Variants in SYNJ1 observed in about 807,000 individuals in gnomAD.
SYNJ1 encodes synaptojanin 1.
SYNJ1 carries 78 observed loss-of-function variants against 168.2 expected under a neutral mutation model. The ratio of observed to expected loss-of-function variants is 0.46; its 90% CI spans 0.39 to 0.56. SYNJ1 has a LOEUF of 0.56. Ranked by LOEUF, SYNJ1 falls within the 20% of genes least tolerant of loss-of-function variation. The pLI is 0.00. For missense variants in SYNJ1, 1,303 were observed against 1,597.6 expected (o/e 0.82, Z 3.14); for synonymous variants, 539 against 548.6 (o/e 0.98, Z 0.24).
chr21:32,706,034 C>A (rs55969012), intron 2 of SYNJ1, among the ~76,000 whole-genome samples: 2,360 of 152,156 alleles, frequency 0.016, 36 homozygotes, highest in Non-Finnish European at 0.02. Flanking sequence ...GAGGACAAGT[C>A]AAAACTGCGA....
chr21:32,630,941 C>G lies in SYNJ1; in HGVS notation c.*864G>C. On this transcript the variant is annotated 3_prime_UTR_variant, in exon 33 of 33. Coordinates refer to ENST00000674351, the MANE Select transcript of SYNJ1 (RefSeq NM_203446.3). Reference sequence around the variant, plus strand: ...CATAATGAAATACTAATGCCCAATTCTCTTAGCTCTATCCTGCCAAAAGCA... The same window carrying G: ...CATAATGAAATACTAATGCCCAATTGTCTTAGCTCTATCCTGCCAAAAGCA... The G allele has an allele frequency of 1.3e-6, 2 of 1,519,652 alleles. No individual in the cohort carries two copies. Among genetic ancestry groups the G allele is most frequent in the Non-Finnish European group, 1.8e-6 (2 of 1,126,768 alleles). The allele number at this position is 1,519,652 out of a possible 1,614,324, so 94.1% of individuals were successfully genotyped here.
In SYNJ1 at chr21:32,628,851, T is replaced by A. The variant is rs2039217341; in HGVS notation, c.*2954A>T. The stretch of plus-strand genomic sequence containing the variant: ...TGTACCACTGACTTTAATACTGTAC[T>A]TCTATAAAGTTTATAGTTATAAATA... On this transcript the variant is annotated 3_prime_UTR_variant, in exon 33 of 33. Coordinates refer to ENST00000674351, the MANE Select transcript of SYNJ1 (RefSeq NM_203446.3). 1 of 152,652 alleles carries A rather than the reference T, an allele frequency of 6.6e-6. No homozygotes were observed. Among genetic ancestry groups the A allele is most frequent in the Non-Finnish European group, 1.5e-5 (1 of 68,054 alleles). The allele number at this position is 152,652 out of a possible 1,614,324, so 9.5% of individuals were successfully genotyped here.
chr21:32,719,713 TAA>T (rs971478588), intron 2 of SYNJ1, among the ~76,000 whole-genome samples: 28 of 129,848 alleles, frequency 2.2e-4, no homozygotes, highest in Non-Finnish European at 1.8e-4. Context: ...AACTCCATCT[TAA>T]AAAAAAAAAA....
intron 2 of SYNJ1, among the ~76,000 whole-genome samples, chr21:32,722,883 A>G (rs2043299751): frequency 6.6e-6 from 1 of 152,220 alleles, no homozygotes; most frequent in Non-Finnish European, 1.5e-5. Context: ...GTAGCCCCAT[A>G]AAAGACAACA....
In SYNJ1 at chr21:32,693,060, T is replaced by A. The variant is rs1601442151; in HGVS notation, c.789+1168A>T. On this transcript the variant is annotated intron_variant, in intron 6 of 32. Coordinates refer to ENST00000674351, the MANE Select transcript of SYNJ1 (RefSeq NM_203446.3). Reference sequence around the variant, plus strand: ...AAATAAATATATAAATAAATAAATATAAATAAATTAAACAAAGAAATAAAA... The same window carrying A: ...AAATAAATATATAAATAAATAAATAAAAATAAATTAAACAAAGAAATAAAA... 2.0e-5 allele frequency among the ~76,000 whole-genome samples: 3 copies of A among 151,584 alleles called. No homozygotes were observed. The South Asian group carries it at 6.2e-4, about 32-fold the overall frequency.
chr21:32,632,950 G>A (rs2039404537), intron 32 of SYNJ1, among the ~76,000 whole-genome samples: 1 of 152,104 alleles, frequency 6.6e-6, no homozygotes, highest in Non-Finnish European at 1.5e-5. Flanking sequence ...AACCTGGGAG[G>A]CAGAGGTTGC....
chr21:32,669,438 G>C (rs2041092839), intron 15 of SYNJ1, among the ~76,000 whole-genome samples: 1 of 152,136 alleles, frequency 6.6e-6, no homozygotes, highest in South Asian at 2.1e-4. Context: ...ACCAATGCTG[G>C]TAATTAACCA....
At chr21:32,681,473 T>C in intron 11 of SYNJ1, 23 bp downstream of exon 11, 1 of 1,586,150 alleles carries the variant, frequency 6.3e-7, no homozygotes, top group South Asian at 1.2e-5. Context: ...TATTCTGTAA[T>C]GTTATGATAG....
intron 12 of SYNJ1, 80 bp from the exon 13 acceptor site, chr21:32,676,435 C>T: frequency 2.9e-6 from 4 of 1,399,654 alleles, no homozygotes; most frequent in Non-Finnish European, 3.0e-6. Flanking sequence ...AGTGACAAAA[C>T]ATTTTGAGAA....
rs116355917 is a variant in SYNJ1 at position 32,692,463 on chromosome 21, G to A, written c.789+1765C>T. 1.2e-3 allele frequency among the ~76,000 whole-genome samples: 182 copies of A among 152,228 alleles called. 1 individual carries two copies. Among genetic ancestry groups the A allele is most frequent in the African/African-American group, 4.2e-3 (174 of 41,538 alleles). ...GTGGTGGCACGCGCCTATAGTCCCA[G>A]CTCTCGGGAGGCTGAGGTAGGAGAA... On this transcript the variant is annotated intron_variant, in intron 6 of 32. Transcript: ENST00000674351.
chr21:32,678,947 T>A, intron 11 of SYNJ1, 146 bp from the exon 12 acceptor site: 1 of 1,077,392 alleles, frequency 9.3e-7, no homozygotes, highest in Non-Finnish European at 1.3e-6. Flanking sequence ...TATATAGTCA[T>A]GACAATTAAA....
intron 2 of SYNJ1, among the ~76,000 whole-genome samples, chr21:32,724,742 CAAATGACTT>C (rs1444569518): frequency 7.0e-5 from 9 of 128,934 alleles, no homozygotes; most frequent in South Asian, 2.9e-4. Flanking sequence ...TTTTAAAAGT[CAAATGACTT>C]AAGAAGGTTT....
chr21:32,718,688 T>A lies in SYNJ1; in HGVS notation c.124+8084A>T, dbSNP rs201287804. Among the ~76,000 whole-genome samples the A allele has an allele frequency of 2.0e-5, 3 of 151,888 alleles. No individual in the cohort carries two copies. In the East Asian group the frequency reaches 5.8e-4, roughly 29 times the overall value. On this transcript the variant is annotated intron_variant, in intron 2 of 32. Coordinates refer to ENST00000674351, the MANE Select transcript of SYNJ1 (RefSeq NM_203446.3). ...AAAAAAAAAAACAAACTACACACAC[T>A]GTTTGGCATTACCACCTACTATATT...
At chr21:32,658,090 C>G (rs1353888830) in intron 18 of SYNJ1, among the ~76,000 whole-genome samples, 1 of 152,190 alleles carries the variant, frequency 6.6e-6, no homozygotes, top group Admixed American at 6.5e-5. Context: ...CAGGGAAATT[C>G]TGGGCAGAAG....
intron 2 of SYNJ1, among the ~76,000 whole-genome samples, chr21:32,715,246 G>A (rs978464415): frequency 5.3e-5 from 8 of 152,192 alleles, no homozygotes; most frequent in Admixed American, 5.2e-4. Context: ...GCTGAGGCAG[G>A]TGGATCACTT....
rs769069578 is a variant in SYNJ1, at chr21:32,657,800, A to G, written c.2377T>C (p.Tyr793His). The G allele has an allele frequency of 3.7e-6, 6 of 1,614,050 alleles. No homozygotes were observed. In the African/African-American group the frequency reaches 6.7e-5, roughly 18 times the overall value. ...TYKYDLFSDD[Y>H]DTSEKCRTPA... ...GTGCGGCACTTTTCACTGGTGTCAT[A>G]GTCGTCAGAAAACAAGTCATACTTA... is the stretch of plus-strand genomic sequence containing the variant. The change falls in exon 19 of 33, where the codon TAT (tyrosine) becomes CAT (histidine). Residue 793 changes from tyrosine (Y) to histidine (H), a missense_variant. Physicochemically the swap from Tyr to His is moderately conservative, Grantham distance 83 (BLOSUM62 2). This residue lies in a region of SYNJ1 where 920 missense variants were observed against 1,208.8 expected (regional missense o/e 0.76). Coordinates refer to ENST00000674351, the MANE Select transcript of SYNJ1 (RefSeq NM_203446.3).
intron 10 of SYNJ1, among the ~76,000 whole-genome samples, chr21:32,682,561 C>T (rs1224299485): frequency 6.6e-6 from 1 of 152,112 alleles, no homozygotes; most frequent in Non-Finnish European, 1.5e-5. Context: ...GAGAATAAAA[C>T]AAAATGAGCC....
chr21:32,673,467 A>C lies in SYNJ1; in HGVS notation c.1599T>G (p.Ile533Met). 1 of 1,613,138 alleles carries C rather than the reference A, an allele frequency of 6.2e-7. No individual in the cohort carries two copies. The highest frequency in any genetic ancestry group is 8.5e-7 in the Non-Finnish European group (1 of 1,179,594). The change falls in exon 14 of 33, where the codon ATT (isoleucine) becomes ATG (methionine). Residue 533 changes from isoleucine to methionine, a missense_variant. This residue lies in a region of SYNJ1 where 920 missense variants were observed against 1,208.8 expected (regional missense o/e 0.76). Transcript: ENST00000674351. ...NFYKYSKPKK[I>M]RVCVGTWNVN... ...CATTCCAGGTTCCGACACATACTCGAATTTTCTTAGGCTTTGAATATTTGT... is the reference window on the plus strand; with the variant it reads ...CATTCCAGGTTCCGACACATACTCGCATTTTCTTAGGCTTTGAATATTTGT...
intron 6 of SYNJ1, among the ~76,000 whole-genome samples, chr21:32,692,678 C>A (rs747070866): frequency 1.2e-4 from 19 of 152,158 alleles, no homozygotes; most frequent in African/African-American, 1.9e-4. Context: ...AAGGAAGTCC[C>A]ACTCAAGGAA....
Sources: allele counts gnomAD v4.1 joint callset (sites outside exome capture counted in the v4.1 genomes callset), GRCh38; gene constraint gnomAD v4.1.1; regional missense constraint gnomAD v4.1.1; transcripts MANE v1.5; gene names NCBI Gene and HGNC (gene_info 2026-07-23, HGNC 2026-07-21).